Variants in PARD3 observed in about 807,000 individuals in gnomAD.
PARD3 encodes the protein partitioning defective 3 homolog.
A neutral mutation model predicts 155.4 loss-of-function variants in PARD3; 75 were observed. The ratio of observed to expected loss-of-function variants is 0.48; its 90% CI spans 0.40 to 0.58. The LOEUF is 0.58. Among genes scored for constraint, PARD3 ranks in the 20% least tolerant of loss-of-function variants. The pLI, the probability that PARD3 is intolerant of heterozygous loss-of-function variation, is 0.00. For synonymous variants in PARD3, 576 were observed against 610.5 expected (o/e 0.94, Z 0.83); for missense variants, 1,642 against 1,721.7 (o/e 0.95, Z 0.82).
At chr10:34,553,132 G>A (rs1277226451) in intron 2 of PARD3, among the ~76,000 whole-genome samples, 1 of 152,132 alleles carries the variant, frequency 6.6e-6, no homozygotes, top group East Asian at 1.9e-4. Flanking sequence ...AATCGCCATC[G>A]ATCCACCAAG....
rs953390416 is a variant in PARD3, at chr10:34,519,539, C to T, written c.223-2380G>A. On this transcript the variant is annotated intron_variant, in intron 2 of 24. Transcript: ENST00000374788. ...TATAAATCCCAAAGCGTAGGCCAGG[C>T]GCGGTGGCTCACGCCTGTAATCCCA... 3.3e-5 allele frequency among the ~76,000 whole-genome samples: 5 copies of T among 152,160 alleles called. No individual in the cohort carries two copies. In the East Asian group the frequency reaches 7.8e-4, roughly 24 times the overall value.
intron 1 of PARD3, among the ~76,000 whole-genome samples, chr10:34,712,385 G>T (rs1459318448): frequency 6.6e-6 from 1 of 152,176 alleles, no homozygotes; most frequent in Non-Finnish European, 1.5e-5. Context: ...CAGGCACCTG[G>T]TGCTGCGCCC....
intron 2 of PARD3, among the ~76,000 whole-genome samples, chr10:34,678,473 T>C (rs753608702): frequency 3.3e-5 from 5 of 152,218 alleles, no homozygotes; most frequent in Admixed American, 6.5e-5. Flanking sequence ...TATTTTGTTA[T>C]ACATAAAAAT....
chr10:34,639,071 A>G (rs1456145819), intron 2 of PARD3, among the ~76,000 whole-genome samples: 2 of 152,226 alleles, frequency 1.3e-5, no homozygotes, highest in Non-Finnish European at 2.9e-5. Context: ...ATGAAAGAAG[A>G]TATGAGTAGG....
At chr10:34,268,855 C>A (rs908366372) in intron 22 of PARD3, among the ~76,000 whole-genome samples, 2 of 151,990 alleles carry the variant, frequency 1.3e-5, no homozygotes, top group African/African-American at 4.8e-5. Flanking sequence ...TGCAGCACGC[C>A]AACATGGCAC....
At chr10:34,443,118 C>T (rs1381712153) in intron 5 of PARD3, among the ~76,000 whole-genome samples, 1 of 152,004 alleles carries the variant, frequency 6.6e-6, no homozygotes, top group Non-Finnish European at 1.5e-5. Context: ...TCCCAGACAC[C>T]CACCATTTTA....
chr10:34,132,688 T>C (rs1947676517), intron 22 of PARD3, among the ~76,000 whole-genome samples: 1 of 152,132 alleles, frequency 6.6e-6, no homozygotes, highest in Admixed American at 6.5e-5. Flanking sequence ...AGGGAAATAC[T>C]GGGTAGGAGA....
At chr10:34,215,761 A>G (rs1951973828) in intron 22 of PARD3, among the ~76,000 whole-genome samples, 1 of 152,250 alleles carries the variant, frequency 6.6e-6, no homozygotes, top group African/African-American at 2.4e-5. Context: ...ATAGCGAATT[A>G]TATTCGCAGT....
chr10:34,687,916 G>GT (rs2093979384), intron 2 of PARD3, among the ~76,000 whole-genome samples: 2 of 130,836 alleles, frequency 1.5e-5, no homozygotes, highest in Admixed American at 1.8e-4. Flanking sequence ...GTAGAGCAGC[G>GT]TGATCATGGC....
intron 22 of PARD3, among the ~76,000 whole-genome samples, chr10:34,268,571 A>T (rs570563331): frequency 2.0e-5 from 3 of 152,252 alleles, no homozygotes; most frequent in African/African-American, 7.2e-5. Flanking sequence ...AATGTGGCAC[A>T]TACATACCAT....
chr10:34,720,801 A>G (rs1001505461), intron 1 of PARD3, among the ~76,000 whole-genome samples: 1 of 152,028 alleles, frequency 6.6e-6, no homozygotes, highest in Non-Finnish European at 1.5e-5. Flanking sequence ...CTGTCTCCAA[A>G]AAAAAAAAGA....
intron 24 of PARD3, among the ~76,000 whole-genome samples, chr10:34,116,585 C>T (rs973469396): frequency 6.6e-6 from 1 of 152,180 alleles, no homozygotes; most frequent in Non-Finnish European, 1.5e-5. Context: ...TCAAGCCGAA[C>T]GCAGGGTTCT....
intron 3 of PARD3, among the ~76,000 whole-genome samples, chr10:34,474,555 T>A (rs1161785122): frequency 6.6e-6 from 1 of 152,164 alleles, no homozygotes; most frequent in Non-Finnish European, 1.5e-5. Flanking sequence ...ACCCACCACT[T>A]AAACGGAGGG....
At chr10:34,546,196 CT>C (rs201772452) in intron 2 of PARD3, among the ~76,000 whole-genome samples, 7 of 151,902 alleles carry the variant, frequency 4.6e-5, no homozygotes, top group African/African-American at 1.4e-4. Flanking sequence ...AGTTAACACT[CT>C]TTTTTTTGAA....
At chr10:34,630,840 T>C (rs927350415) in intron 2 of PARD3, among the ~76,000 whole-genome samples, 2 of 144,454 alleles carry the variant, frequency 1.4e-5, no homozygotes, top group Non-Finnish European at 3.0e-5. Flanking sequence ...TATTTATTTA[T>C]TGAAACAAGG....
intron 5 of PARD3, among the ~76,000 whole-genome samples, chr10:34,408,149 C>T (rs1226132986): frequency 6.6e-6 from 1 of 151,672 alleles, no homozygotes; most frequent in Non-Finnish European, 1.5e-5. Flanking sequence ...TTTATAAAAA[C>T]TTAAAGTTAT....
At chr10:34,677,581 A>G (rs1269535332) in intron 2 of PARD3, among the ~76,000 whole-genome samples, 4 of 152,202 alleles carry the variant, frequency 2.6e-5, no homozygotes, top group African/African-American at 9.6e-5. Flanking sequence ...TCCATTCTAT[A>G]AACCATTAAG....
intron 19 of PARD3, among the ~76,000 whole-genome samples, chr10:34,321,369 C>T (rs1051119160): frequency 6.6e-6 from 1 of 152,094 alleles, no homozygotes; most frequent in Non-Finnish European, 1.5e-5. Context: ...ATTTTAAGTG[C>T]TATATACATT....
intron 3 of PARD3, among the ~76,000 whole-genome samples, chr10:34,488,275 T>C (rs2079607420): frequency 6.6e-6 from 1 of 152,142 alleles, no homozygotes. Context: ...AGCTGGGCTT[T>C]TCATCTTGCA....
Sources: gnomAD v4.1 joint callset for allele counts (sites outside exome capture counted in the v4.1 genomes callset) on GRCh38, gnomAD v4.1.1 for gene constraint, MANE v1.5 for transcripts, NCBI Gene and HGNC (gene_info 2026-07-23, HGNC 2026-07-21) for gene names.